The following MYO1B variants were observed in gnomAD, a reference collection of about 807,000 sequenced individuals.
The protein encoded by MYO1B is unconventional myosin-Ib.
A neutral mutation model predicts 159.7 loss-of-function variants in MYO1B; 72 were observed. The ratio of observed to expected loss-of-function variants is 0.45; its 90% CI spans 0.37 to 0.55. The LOEUF is 0.55. Among genes scored for constraint, MYO1B ranks in the 20% least tolerant of loss-of-function variants. MYO1B has a pLI of 0.00. For synonymous variants in MYO1B, 468 were observed against 473.8 expected, an observed-to-expected ratio of 0.99 and a Z score of 0.16; for missense variants, 1,062 against 1,364.8, an observed-to-expected ratio of 0.78 and a Z score of 3.50.
intron 3 of MYO1B, among the ~76,000 whole-genome samples, chr2:191,317,152 G>C (rs534353133): frequency 1.2e-4 from 19 of 152,140 alleles, no homozygotes; most frequent in Non-Finnish European, 5.9e-5. Flanking sequence ...TGGAGAGCAG[G>C]TGCAGCGTCG....
chr2:191,398,639 G>T (rs1352051733), intron 21 of MYO1B, among the ~76,000 whole-genome samples: 1 of 151,564 alleles, frequency 6.6e-6, no homozygotes, highest in Non-Finnish European at 1.5e-5. Context: ...AGGGCGGCGG[G>T]GCAGAGGCGC....
At chr2:191,251,412 T>C (rs1480130935) in intron 1 of MYO1B, among the ~76,000 whole-genome samples, 1 of 152,230 alleles carries the variant, frequency 6.6e-6, no homozygotes, top group African/African-American at 2.4e-5. Flanking sequence ...GTTTTATAAA[T>C]AGCAGAAAAG....
At chr2:191,274,615 A>G (rs1687641991) in intron 1 of MYO1B, among the ~76,000 whole-genome samples, 1 of 152,200 alleles carries the variant, frequency 6.6e-6, no homozygotes. Context: ...CATGGCAGCT[A>G]GAGTGCTTTT....
intron 6 of MYO1B, among the ~76,000 whole-genome samples, chr2:191,349,797 A>G (rs573761048): frequency 6.6e-6 from 1 of 152,378 alleles, no homozygotes; most frequent in African/African-American, 2.4e-5. Context: ...CAATAAAAAA[A>G]GACTATCTTC....
intron 4 of MYO1B, among the ~76,000 whole-genome samples, chr2:191,337,042 C>G (rs1691902119): frequency 6.6e-6 from 1 of 152,134 alleles, no homozygotes; most frequent in African/African-American, 2.4e-5. Context: ...TTATTAGAAG[C>G]TCTGTGAAAA....
intron 1 of MYO1B, among the ~76,000 whole-genome samples, chr2:191,273,402 C>T (rs757434011): frequency 2.0e-5 from 3 of 152,158 alleles, no homozygotes; most frequent in Non-Finnish European, 2.9e-5. Flanking sequence ...GGATTACAGG[C>T]GTGAGCCACC....
At chr2:191,382,588 A>G (rs910867331) in intron 14 of MYO1B, among the ~76,000 whole-genome samples, 23 of 152,228 alleles carry the variant, frequency 1.5e-4, no homozygotes, top group Admixed American at 1.5e-3. Context: ...AAACACTTCT[A>G]AGAATATATA....
intron 1 of MYO1B, among the ~76,000 whole-genome samples, chr2:191,264,295 C>T (rs918384900): frequency 3.3e-5 from 5 of 152,042 alleles, no homozygotes; most frequent in Admixed American, 3.3e-4. Context: ...AATATCTCTG[C>T]CTTTGTTTAC....
intron 9 of MYO1B, among the ~76,000 whole-genome samples, chr2:191,362,770 A>G (rs1380516153): frequency 6.6e-6 from 1 of 152,248 alleles, no homozygotes; most frequent in Non-Finnish European, 1.5e-5. Context: ...AAACTCATAT[A>G]TAAACCCGAG....
intron 20 of MYO1B, among the ~76,000 whole-genome samples, chr2:191,393,605 T>G (rs1196494400): frequency 6.6e-6 from 1 of 152,248 alleles, no homozygotes; most frequent in Non-Finnish European, 1.5e-5. Context: ...TTTTTCAAAG[T>G]AATTGGCTAT....
intron 26 of MYO1B, 54 bp downstream of exon 26, chr2:191,409,232 T>A (rs1002578812): frequency 6.5e-7 from 1 of 1,544,774 alleles, no homozygotes; most frequent in African/African-American, 1.4e-5. Context: ...ATTTTGAGTG[T>A]TTAAAAACAC....
chr2:191,364,856 G>T (rs1240194997), intron 11 of MYO1B, among the ~76,000 whole-genome samples: 1 of 152,198 alleles, frequency 6.6e-6, no homozygotes, highest in East Asian at 1.9e-4. Context: ...GGTGCTAGCT[G>T]GTTTAAGAGG....
intron 3 of MYO1B, among the ~76,000 whole-genome samples, chr2:191,297,186 G>A (rs1014331050): frequency 4.6e-5 from 7 of 152,194 alleles, no homozygotes; most frequent in African/African-American, 7.2e-5. Context: ...GCCAAGTCAT[G>A]TAATGAGTTG....
At chr2:191,326,845 A>G (rs1691130699) in intron 3 of MYO1B, among the ~76,000 whole-genome samples, 1 of 147,458 alleles carries the variant, frequency 6.8e-6, no homozygotes, top group South Asian at 2.1e-4. Context: ...CTCATTTTTG[A>G]AGTAATTTTG....
intron 1 of MYO1B, among the ~76,000 whole-genome samples, chr2:191,247,790 A>G (rs950512475): frequency 1.3e-5 from 2 of 152,274 alleles, no homozygotes; most frequent in East Asian, 1.9e-4. Flanking sequence ...ATGTGGACAG[A>G]TAGCAGAATC....
intron 17 of MYO1B, 34 bp downstream of exon 17, chr2:191,387,484 A>G (rs1246056617): frequency 6.4e-7 from 1 of 1,554,024 alleles, no homozygotes; most frequent in Non-Finnish European, 8.9e-7. Context: ...CACAGTTCAA[A>G]TGTGAGAGCA....
chr2:191,290,334 G>A (rs1559143513), intron 2 of MYO1B, among the ~76,000 whole-genome samples: 1 of 152,170 alleles, frequency 6.6e-6, no homozygotes, highest in Non-Finnish European at 1.5e-5. Flanking sequence ...ACTTCAATGT[G>A]CATGTGTGTT....
At chr2:191,353,601 T>C (rs550547344) in intron 7 of MYO1B, among the ~76,000 whole-genome samples, 1 of 152,316 alleles carries the variant, frequency 6.6e-6, no homozygotes, top group Non-Finnish European at 1.5e-5. Flanking sequence ...GCAGGCTCTT[T>C]TTTCCTTATC....
In MYO1B at chr2:191,424,056, C is replaced by A; in HGVS notation, c.*96C>A. The A allele has an allele frequency of 7.2e-7, 1 of 1,390,252 alleles. No individual in the cohort carries two copies. The highest frequency in any genetic ancestry group is 9.7e-7 in the Non-Finnish European group (1 of 1,027,008). 86.1% of individuals were successfully genotyped at this position (1,390,252 alleles called of 1,614,324 possible). On this transcript the variant is annotated 3_prime_UTR_variant, in exon 31 of 31. Transcript: ENST00000392318. Reference sequence around the variant, plus strand: ...GGTTCATTGTATGTTTGGGAATCACCAAAGGCTTTTAGAGTTCTTTGGCAA... The same window carrying A: ...GGTTCATTGTATGTTTGGGAATCACAAAAGGCTTTTAGAGTTCTTTGGCAA...
Sources: allele counts gnomAD v4.1 joint callset (sites outside exome capture counted in the v4.1 genomes callset), GRCh38; gene constraint gnomAD v4.1.1; transcripts MANE v1.5; gene names NCBI Gene and HGNC (gene_info 2026-07-23, HGNC 2026-07-21).